Variants in PXDNL observed in about 807,000 individuals in gnomAD.
The protein encoded by PXDNL is probable oxidoreductase PXDNL.
A neutral mutation model predicts 150.8 loss-of-function variants in PXDNL; 145 were observed. The ratio of observed to expected loss-of-function variants is 0.96; its 90% CI spans 0.84 to 1.10. The LOEUF (loss-of-function observed/expected upper bound fraction) is 1.10. Ranked by LOEUF, PXDNL falls within the 50% of genes least tolerant of loss-of-function variation. The probability of loss-of-function intolerance (pLI) is 0.00; values close to 1 mark genes in which losing one functional copy is unlikely to be tolerated. For missense variants in PXDNL, 2,087 were observed against 1,873.9 expected, an observed-to-expected ratio of 1.11 and a Z score of -2.10; for synonymous variants, 757 against 725.7, an observed-to-expected ratio of 1.04 and a Z score of -0.69.
intron 1 of PXDNL, among the ~76,000 whole-genome samples, chr8:51,682,095 G>C (rs1815762402): frequency 6.6e-6 from 1 of 152,054 alleles, no homozygotes; most frequent in Admixed American, 6.6e-5. Flanking sequence ...AAAAATTTTA[G>C]CAAATTATGT....
At chr8:51,788,060 T>G (rs1384733595) in intron 1 of PXDNL, among the ~76,000 whole-genome samples, 1 of 152,250 alleles carries the variant, frequency 6.6e-6, no homozygotes, top group East Asian at 1.9e-4. Flanking sequence ...TGTGTTCATT[T>G]TTTAGACATA....
In PXDNL at chr8:51,350,354, C is replaced by CTTTTTTTT. The variant is rs1163628780; in HGVS notation, c.3902-4415_3902-4408dup. Among the ~76,000 whole-genome samples the CTTTTTTTT allele has an allele frequency of 6.5e-3, 509 of 77,858 alleles. 27 individuals are homozygous for CTTTTTTTT. The highest frequency in any genetic ancestry group is 0.025 in the African/African-American group (471 of 19,124). The allele number at this position is 77,858 out of a possible 152,430, so 51.1% of individuals were successfully genotyped here. On this transcript the variant is annotated intron_variant, in intron 19 of 22. Coordinates refer to ENST00000356297, the MANE Select transcript of PXDNL (RefSeq NM_144651.5). ...AGTCTTTTATTAGCAAATGCAGCTT[C>CTTTTTTTT]TTTTTTTTTTTTTTTTTTTTTTGAG...
At chr8:51,429,366 G>C (rs574510538) in intron 12 of PXDNL, among the ~76,000 whole-genome samples, 1 of 152,230 alleles carries the variant, frequency 6.6e-6, no homozygotes, top group African/African-American at 2.4e-5. Flanking sequence ...GATCACCTGA[G>C]GTCAAGAGTT....
intron 14 of PXDNL, among the ~76,000 whole-genome samples, chr8:51,413,890 G>T (rs1249819030): frequency 6.6e-6 from 1 of 151,952 alleles, no homozygotes; most frequent in East Asian, 1.9e-4. Flanking sequence ...AAATAATTAC[G>T]AATGAATATT....
At chr8:51,484,987 CATAA>C (rs1810696507) in intron 5 of PXDNL, among the ~76,000 whole-genome samples, 1 of 152,186 alleles carries the variant, frequency 6.6e-6, no homozygotes, top group Non-Finnish European at 1.5e-5. Flanking sequence ...AGGATATGAG[CATAA>C]ATAATCAATT....
chr8:51,603,260 T>C lies in PXDNL; in HGVS notation c.237-10562A>G, dbSNP rs375494644. On this transcript the variant is annotated intron_variant, in intron 2 of 22. Transcript: ENST00000356297. Reference sequence around the variant, plus strand: ...TTAATTTTAAAGATTTTTTTCTGGGTAAATTTTAGGAACATCCGTCAAGCT... The same window carrying C: ...TTAATTTTAAAGATTTTTTTCTGGGCAAATTTTAGGAACATCCGTCAAGCT... Among the ~76,000 whole-genome samples, 14 of 152,078 alleles carry C rather than the reference T, an allele frequency of 9.2e-5. No individual in the cohort carries two copies. The East Asian group carries it at 2.5e-3, about 27-fold the overall frequency.
Position 51,319,771 on chromosome 8 carries a change from A to C in PXDNL, c.*120T>G. ...AAGTATATGTAAGATTAGATGAACT[A>C]AGTTGCTTAAGTCAGTGGTTTCCAT... On this transcript the variant is annotated 3_prime_UTR_variant, in exon 23 of 23. Coordinates refer to ENST00000356297, the MANE Select transcript of PXDNL (RefSeq NM_144651.5). 1.3e-6 allele frequency: 1 copy of C among 773,830 alleles called. No individual in the cohort carries two copies. The allele number at this position is 773,830 out of a possible 1,614,324, so 47.9% of individuals were successfully genotyped here. A position where few individuals can be genotyped will look rare whatever the true frequency, so the allele number is the denominator to read the frequency against.
intron 21 of PXDNL, among the ~76,000 whole-genome samples, chr8:51,332,046 A>G (rs1805705039): frequency 6.6e-6 from 1 of 151,744 alleles, no homozygotes; most frequent in African/African-American, 2.4e-5. Flanking sequence ...ACATTAAACC[A>G]CCCAAGCTAA....
At chr8:51,487,726 G>GAGAAAACC (rs1810797150) in intron 5 of PXDNL, among the ~76,000 whole-genome samples, 1 of 152,130 alleles carries the variant, frequency 6.6e-6, no homozygotes, top group Admixed American at 6.5e-5. Context: ...ACCTAACTTG[G>GAGAAAACC]TAAAGTGAAG....
chr8:51,646,910 C>T (rs73678935), intron 2 of PXDNL, among the ~76,000 whole-genome samples: 6,741 of 152,048 alleles, frequency 0.044, 170 homozygotes, highest in African/African-American at 0.078. Context: ...GGGGCCAGGA[C>T]GGTTTATTCA....
At chr8:51,622,906 GA>G (rs1814285733) in intron 2 of PXDNL, among the ~76,000 whole-genome samples, 1 of 152,144 alleles carries the variant, frequency 6.6e-6, no homozygotes, top group Non-Finnish European at 1.5e-5. Context: ...CCCCAACATG[GA>G]ACAAACGGGG....
chr8:51,805,963 G>A (rs1251665997), intron 1 of PXDNL, among the ~76,000 whole-genome samples: 1 of 152,052 alleles, frequency 6.6e-6, no homozygotes, highest in Non-Finnish European at 1.5e-5. Flanking sequence ...ACATTTTTTT[G>A]TTTGCAAATT....
At chr8:51,374,404 A>G (rs955479715) in intron 18 of PXDNL, among the ~76,000 whole-genome samples, 193 bp downstream of exon 18, 1 of 152,222 alleles carries the variant, frequency 6.6e-6, no homozygotes, top group Non-Finnish European at 1.5e-5. Flanking sequence ...CTCTTCTTAC[A>G]AAGATTTACA....
intron 10 of PXDNL, among the ~76,000 whole-genome samples, chr8:51,449,341 G>A (rs569190249): frequency 1.3e-5 from 2 of 152,320 alleles, no homozygotes; most frequent in Non-Finnish European, 2.9e-5. Context: ...AACAGCAGTA[G>A]CCAACAAGAA....
chr8:51,787,588 T>G (rs541499822), intron 1 of PXDNL, among the ~76,000 whole-genome samples: 9 of 152,322 alleles, frequency 5.9e-5, no homozygotes, highest in African/African-American at 2.2e-4. Flanking sequence ...ATTGCTGCAA[T>G]CTCATAATCA....
At chr8:51,463,695 G>T (rs1427406551) in intron 8 of PXDNL, among the ~76,000 whole-genome samples, 3 of 152,110 alleles carry the variant, frequency 2.0e-5, no homozygotes, top group Non-Finnish European at 4.4e-5. Context: ...AGATGACCAT[G>T]TACTTAGCCA....
At chr8:51,395,037 G>A (rs2130848977) in intron 17 of PXDNL, among the ~76,000 whole-genome samples, 1 of 152,334 alleles carries the variant, frequency 6.6e-6, no homozygotes, top group Middle Eastern at 3.4e-3. Flanking sequence ...GGGAAAGGAT[G>A]TGTCATGGGT....
chr8:51,496,233 T>C (rs966075641), intron 5 of PXDNL, among the ~76,000 whole-genome samples: 2 of 152,170 alleles, frequency 1.3e-5, no homozygotes, highest in African/African-American at 4.8e-5. Context: ...TTCAACAACC[T>C]TCATGCTAAA....
chr8:51,778,105 G>C (rs2037372173), intron 1 of PXDNL, among the ~76,000 whole-genome samples: 1 of 152,054 alleles, frequency 6.6e-6, no homozygotes, highest in Non-Finnish European at 1.5e-5. Flanking sequence ...GGAAAGCAGA[G>C]GCGAGTATAT....
Sources: allele counts gnomAD v4.1 joint callset (sites outside exome capture counted in the v4.1 genomes callset), GRCh38; gene constraint gnomAD v4.1.1; transcripts MANE v1.5; gene names NCBI Gene and HGNC (gene_info 2026-07-23, HGNC 2026-07-21).